B3GLCT: variants seen among roughly 807,000 people sequenced by gnomAD.
B3GLCT encodes the protein beta 3-glucosyltransferase.
A neutral mutation model predicts 63.4 loss-of-function variants in B3GLCT; 65 were observed. The ratio of observed to expected loss-of-function variants is 1.03; its 90% CI spans 0.84 to 1.26. The LOEUF is 1.26. Ranked by LOEUF, B3GLCT falls within the 50% of genes most tolerant of loss-of-function variation. B3GLCT has a pLI of 0.00. For synonymous variants in B3GLCT, 233 were observed against 219.2 expected (o/e 1.06, Z -0.55); for missense variants, 577 against 604.8 (o/e 0.95, Z 0.48).
Position 31,248,100 on chromosome 13 carries a change from A to T in B3GLCT, c.459+134A>T, listed in dbSNP as rs192612594. On this transcript the variant is annotated intron_variant, in intron 6 of 14. Transcript: ENST00000343307. The stretch of plus-strand genomic sequence containing the variant: ...ATTAAAAAGAATGAAACATTGTTGA[A>T]TATCTGAGATATGTTAAGTAATGCT... 3.9e-4 allele frequency: 241 copies of T among 624,122 alleles called. No individual in the cohort carries two copies. The African/African-American group carries it at 4.2e-3, about 11-fold the overall frequency. The allele number at this position is 624,122 out of a possible 1,614,324, so 38.7% of individuals were successfully genotyped here.
chr13:31,279,446 C>T (rs551636778), intron 10 of B3GLCT, among the ~76,000 whole-genome samples: 20 of 152,008 alleles, frequency 1.3e-4, no homozygotes, highest in South Asian at 8.4e-4. Context: ...GCTGGGTGTC[C>T]GGGGGAGACA....
At position 31,222,734 on chromosome 13, in the gene B3GLCT, C is replaced by T. The variant is rs566916186; in HGVS notation, c.121-218C>T. 3.3e-5 allele frequency among the ~76,000 whole-genome samples: 5 copies of T among 152,322 alleles called. No individual in the cohort carries two copies. The East Asian group carries it at 5.8e-4, about 18-fold the overall frequency. ...CCAAGATCACATGAGAAGGGCACAG[C>T]CCCAACTAAGAAGTCTGTCATGATA... On this transcript the variant is annotated intron_variant, in intron 2 of 14. Transcript: ENST00000343307.
At chr13:31,202,802 C>A (rs886350234) in intron 1 of B3GLCT, among the ~76,000 whole-genome samples, 1 of 152,024 alleles carries the variant, frequency 6.6e-6, no homozygotes, top group Non-Finnish European at 1.5e-5. Flanking sequence ...GCCATGGTGG[C>A]CATCTTGTGA....
At chr13:31,226,298 A>G (rs1389475708) in intron 3 of B3GLCT, among the ~76,000 whole-genome samples, 2 of 152,280 alleles carry the variant, frequency 1.3e-5, no homozygotes, top group Admixed American at 1.3e-4. Context: ...AGAGCCCTAC[A>G]CTTAGTAGGT....
intron 4 of B3GLCT, among the ~76,000 whole-genome samples, chr13:31,241,032 A>G (rs1185294818): frequency 6.6e-6 from 1 of 152,210 alleles, no homozygotes; most frequent in East Asian, 1.9e-4. Flanking sequence ...GTGTCTTTAT[A>G]TAGAACTTCA....
At chr13:31,238,491 A>G (rs1384955985) in intron 4 of B3GLCT, among the ~76,000 whole-genome samples, 3 of 152,244 alleles carry the variant, frequency 2.0e-5, no homozygotes, top group South Asian at 2.1e-4. Context: ...ATCAGGTTCT[A>G]TTCTATGTGC....
At chr13:31,227,955 C>A (rs1193195078) in intron 3 of B3GLCT, among the ~76,000 whole-genome samples, 1 of 152,188 alleles carries the variant, frequency 6.6e-6, no homozygotes, top group Non-Finnish European at 1.5e-5. Context: ...ACTGTTTTAT[C>A]CATTTCTTTG....
chr13:31,219,247 C>T (rs1211789732), intron 2 of B3GLCT, among the ~76,000 whole-genome samples: 6 of 152,136 alleles, frequency 3.9e-5, no homozygotes, highest in African/African-American at 7.2e-5. Context: ...GCTAATCCAC[C>T]ACAGTTAAGT....
At chr13:31,277,844 C>T (rs1468024464) in intron 10 of B3GLCT, among the ~76,000 whole-genome samples, 5 of 152,072 alleles carry the variant, frequency 3.3e-5, no homozygotes, top group South Asian at 4.1e-4. Context: ...AATTCCAAAT[C>T]CTATTAAATC....
chr13:31,209,256 G>A (rs781252854), intron 1 of B3GLCT, among the ~76,000 whole-genome samples: 16 of 152,142 alleles, frequency 1.1e-4, no homozygotes, highest in African/African-American at 3.4e-4. Context: ...TACCTCTGTC[G>A]CTGGGCTGCA....
intron 14 of B3GLCT, among the ~76,000 whole-genome samples, chr13:31,328,673 G>A (rs1346256365): frequency 9.2e-6 from 1 of 108,406 alleles, no homozygotes; most frequent in Non-Finnish European, 1.7e-5. Context: ...AGCCTGGGCA[G>A]CAGAGTGAAA....
chr13:31,244,142 C>G (rs954842320), intron 4 of B3GLCT, among the ~76,000 whole-genome samples: 2 of 152,154 alleles, frequency 1.3e-5, no homozygotes, highest in South Asian at 2.1e-4. Flanking sequence ...TTATTTTCCC[C>G]TTGAATTTTA....
In B3GLCT at chr13:31,260,952, T is replaced by G. The variant is rs976708734; in HGVS notation, c.466T>G (p.Phe156Val). Reference protein sequence around the residue: ...LRRYDPSKEWFLGKALHDEEA... With the variant: ...LRRYDPSKEWVLGKALHDEEA... ...TTATATCTTTATTTAACAGGAATGGTTTTTGGGAAAAGCATTACATGATGA... is the reference window on the plus strand; with the variant it reads ...TTATATCTTTATTTAACAGGAATGGGTTTTGGGAAAAGCATTACATGATGA... Residue 156 changes from phenylalanine to valine, a missense_variant, in exon 7 of 15, where the codon TTT (phenylalanine) becomes GTT (valine). Transcript: ENST00000343307. 2.0e-5 allele frequency: 32 copies of G among 1,612,716 alleles called. No individual in the cohort carries two copies. The highest frequency in any genetic ancestry group is 2.7e-5 in the Non-Finnish European group (32 of 1,178,750).
chr13:31,325,213 A>C (rs1875546521), intron 14 of B3GLCT, among the ~76,000 whole-genome samples: 2 of 152,228 alleles, frequency 1.3e-5, no homozygotes, highest in African/African-American at 4.8e-5. Flanking sequence ...AATGTATGAG[A>C]AACCTCCTTC....
chr13:31,308,688 A>T (rs1363397258), intron 12 of B3GLCT, among the ~76,000 whole-genome samples: 1 of 152,146 alleles, frequency 6.6e-6, no homozygotes, highest in Non-Finnish European at 1.5e-5. Context: ...ATTTTTATAA[A>T]GGTTCCTCAA....
At chr13:31,202,759 C>T (rs754085631) in intron 1 of B3GLCT, among the ~76,000 whole-genome samples, 7 of 152,144 alleles carry the variant, frequency 4.6e-5, no homozygotes, top group Non-Finnish European at 7.4e-5. Context: ...TATCCTCCTT[C>T]CCATTGCCTA....
chr13:31,269,309 A>G (rs751481447), intron 8 of B3GLCT, 32 bp downstream of exon 8: 3 of 1,483,294 alleles, frequency 2.0e-6, no homozygotes, highest in South Asian at 2.3e-5. Context: ...TAAAAATCTT[A>G]CTAATCAAGA....
In B3GLCT at chr13:31,230,303, A is replaced by G. The variant is rs545803142; in HGVS notation, c.270+1009A>G. On this transcript the variant is annotated intron_variant, in intron 4 of 14. Coordinates refer to ENST00000343307, the MANE Select transcript of B3GLCT (RefSeq NM_194318.4). ...CTTCTTTAGCTAAGTAAGTCCATCA[A>G]GACCTCTGCACCATGTTGTGATGTC... Among the ~76,000 whole-genome samples, 371 of 152,336 alleles carry G rather than the reference A, an allele frequency of 2.4e-3. 3 individuals are homozygous for G. The highest frequency in any genetic ancestry group is 8.5e-3 in the African/African-American group (354 of 41,578).
At chr13:31,227,089 A>G (rs962532195) in intron 3 of B3GLCT, among the ~76,000 whole-genome samples, 3 of 152,298 alleles carry the variant, frequency 2.0e-5, no homozygotes, top group African/African-American at 7.2e-5. Context: ...CATTATGACT[A>G]TGGGATTTAT....
Sources: allele counts gnomAD v4.1 joint callset (sites outside exome capture counted in the v4.1 genomes callset), GRCh38; gene constraint gnomAD v4.1.1; transcripts MANE v1.5; gene names NCBI Gene and HGNC (gene_info 2026-07-23, HGNC 2026-07-21).